COL28A1: variants seen among roughly 807,000 people sequenced by gnomAD.
COL28A1 encodes the protein collagen type XXVIII alpha 1 chain, also known as collagen alpha-1(XXVIII) chain.
In COL28A1, 161 loss-of-function variants were observed where a neutral mutation model predicts 150.2. That is an observed-to-expected ratio of 1.07 (90% CI 0.94 to 1.22). The LOEUF is 1.22. Ranked by LOEUF, COL28A1 falls within the 50% of genes most tolerant of loss-of-function variation. The pLI, the probability that COL28A1 is intolerant of heterozygous loss-of-function variation, is 0.00. For missense variants in COL28A1, 1,617 were observed against 1,388.3 expected, an observed-to-expected ratio of 1.16 and a Z score of -2.62; for synonymous variants, 552 against 469.7, an observed-to-expected ratio of 1.18 and a Z score of -2.26.
At chr7:7,539,044 C>T (rs1217887054), upstream of COL28A1, among the ~76,000 whole-genome samples, 1 of 151,968 alleles carries the variant, frequency 6.6e-6, no homozygotes, top group Non-Finnish European at 1.5e-5. Context: ...TGCCCCAAAG[C>T]TCTGAAATTT....
intron 6 of COL28A1, 96 bp from the exon 7 acceptor site, chr7:7,517,933 A>C (rs1392826862): frequency 6.6e-7 from 1 of 1,524,478 alleles, no homozygotes; most frequent in African/African-American, 1.4e-5. Flanking sequence ...AGCTTAGCCC[A>C]ATTAGGAAAC....
Position 7,381,614 on chromosome 7 carries a change from T to C in COL28A1, c.2137-2A>G, listed in dbSNP as rs779126199. 74 of 1,610,802 alleles carry C rather than the reference T, an allele frequency of 4.6e-5. No individual in the cohort carries two copies. The highest frequency in any genetic ancestry group is 5.9e-5 in the Non-Finnish European group (69 of 1,177,046). The stretch of plus-strand genomic sequence containing the variant: ...GAAGCCTTGTGGTCCTTGTTCCCCC[T>C]ACATAGGATATGAGAAAGAGATGTT... On this transcript the variant is annotated splice_acceptor_variant, in intron 27 of 34. Transcript: ENST00000399429. LOFTEE classifies it high-confidence loss of function.
chr7:7,444,957 C>T (rs997039347), intron 18 of COL28A1, among the ~76,000 whole-genome samples: 1 of 152,022 alleles, frequency 6.6e-6, no homozygotes, highest in African/African-American at 2.4e-5. Flanking sequence ...TAATAGAGTT[C>T]TCATGATATC....
At chr7:7,481,000 A>G (rs1289147738) in intron 13 of COL28A1, among the ~76,000 whole-genome samples, 1 of 152,234 alleles carries the variant, frequency 6.6e-6, no homozygotes, top group Non-Finnish European at 1.5e-5. Context: ...CAGATTAAGC[A>G]CTCAATAAAT....
At chr7:7,423,214 G>T (rs1220314474) in intron 25 of COL28A1, among the ~76,000 whole-genome samples, 2 of 152,192 alleles carry the variant, frequency 1.3e-5, no homozygotes, top group African/African-American at 2.4e-5. Flanking sequence ...ATGTGGTGAG[G>T]GGAGGAGTGA....
chr7:7,480,510 C>G (rs1003064844), intron 13 of COL28A1, among the ~76,000 whole-genome samples: 1 of 151,832 alleles, frequency 6.6e-6, no homozygotes, highest in African/African-American at 2.4e-5. Context: ...AGATTGCAAA[C>G]TAAACCAAAA....
chr7:7,349,055 GAT>G, the COL28A1 span, among the ~76,000 whole-genome samples: 1 of 151,982 alleles, frequency 6.6e-6, no homozygotes, highest in Non-Finnish European at 1.5e-5. Flanking sequence ...TACTAATTTT[GAT>G]ATGTTGTGTC....
intron 15 of COL28A1, among the ~76,000 whole-genome samples, chr7:7,468,483 A>C (rs1436283286): frequency 8.7e-6 from 1 of 114,586 alleles, no homozygotes. Flanking sequence ...AGCAACCAAA[A>C]AGAGTCCAGG....
chr7:7,375,119 T>C (rs1400798205), intron 31 of COL28A1, among the ~76,000 whole-genome samples: 2 of 152,230 alleles, frequency 1.3e-5, no homozygotes, highest in Non-Finnish European at 2.9e-5. Context: ...AGTTTGGCTC[T>C]TGTAGTCATA....
At chr7:7,513,239 T>G (rs1165155186) in intron 8 of COL28A1, among the ~76,000 whole-genome samples, 2 of 152,170 alleles carry the variant, frequency 1.3e-5, no homozygotes, top group Non-Finnish European at 2.9e-5. Flanking sequence ...TATATACATA[T>G]CTCCACTCAC....
upstream of COL28A1, among the ~76,000 whole-genome samples, chr7:7,538,187 T>C (rs1782712639): frequency 6.6e-6 from 1 of 152,160 alleles, no homozygotes; most frequent in Non-Finnish European, 1.5e-5. Context: ...TAAAAGACAA[T>C]TAGTTTTGCA....
At chr7:7,406,839 C>T (rs1783518051) in intron 27 of COL28A1, among the ~76,000 whole-genome samples, 1 of 152,024 alleles carries the variant, frequency 6.6e-6, no homozygotes, top group African/African-American at 2.4e-5. Context: ...CAGATTACAA[C>T]ATACCAGATT....
intron 3 of COL28A1, among the ~76,000 whole-genome samples, chr7:7,526,011 T>C (rs995328834): frequency 1.3e-5 from 2 of 152,216 alleles, no homozygotes; most frequent in Admixed American, 6.5e-5. Flanking sequence ...GCAGATGAGA[T>C]ATTTGTATCT....
Position 7,531,450 on chromosome 7 carries a change from T to C in COL28A1, c.579A>G (p.Val193=). Residue 193 remains valine (V), a synonymous_variant, in exon 3 of 35, where the codon GTA becomes GTG. Transcript: ENST00000399429. ...TCAAACGAAGTTTGGCTTCATTGACTACCGTAGAAAGTGCAATGGTGATAA... is the reference window on the plus strand; with the variant it reads ...TCAAACGAAGTTTGGCTTCATTGACCACCGTAGAAAGTGCAATGGTGATAA... ...ISFITIALST[V]VNEAKLRLIS... The C allele has an allele frequency of 6.3e-7, 1 of 1,596,904 alleles. No homozygotes were observed. The highest frequency in any genetic ancestry group is 8.6e-7 in the Non-Finnish European group (1 of 1,164,680).
chr7:7,455,493 G>A (rs1787075374), intron 16 of COL28A1, among the ~76,000 whole-genome samples: 1 of 152,076 alleles, frequency 6.6e-6, no homozygotes, highest in Admixed American at 6.5e-5. Flanking sequence ...TCACCAAGAG[G>A]GGCCAGGTGT....
intron 27 of COL28A1, 62 bp downstream of exon 27, chr7:7,417,797 C>T (rs1784186064): frequency 2.8e-6 from 4 of 1,425,498 alleles, no homozygotes; most frequent in Admixed American, 1.7e-5. Flanking sequence ...TTATCTACAA[C>T]CTCTTCTCCC....
At chr7:7,476,949 T>C (rs1280559234) in intron 14 of COL28A1, among the ~76,000 whole-genome samples, 163 bp downstream of exon 14, 1 of 152,266 alleles carries the variant, frequency 6.6e-6, no homozygotes, top group Non-Finnish European at 1.5e-5. Context: ...TTTTACTGTA[T>C]TTTCGCATTA....
At chr7:7,456,685 C>T (rs1787197762) in intron 15 of COL28A1, among the ~76,000 whole-genome samples, 1 of 152,174 alleles carries the variant, frequency 6.6e-6, no homozygotes. Context: ...TGTCTTTATA[C>T]AGGTGTTTGT....
At chr7:7,511,989 T>G (rs1781166925) in intron 8 of COL28A1, 1 of 326,038 alleles carries the variant, frequency 3.1e-6, no homozygotes, top group Non-Finnish European at 6.0e-6. Context: ...TTAAGAAGGT[T>G]AAGTAAAGAG....
Sources: allele counts gnomAD v4.1 joint callset (sites outside exome capture counted in the v4.1 genomes callset), GRCh38; gene constraint gnomAD v4.1.1; transcripts MANE v1.5; gene names NCBI Gene and HGNC (gene_info 2026-07-23, HGNC 2026-07-21).